Variants in RCOR1 observed in about 807,000 individuals in gnomAD.
RCOR1 encodes the protein REST corepressor.
A neutral mutation model predicts 64.0 loss-of-function variants in RCOR1; 12 were observed. The observed-to-expected ratio is 0.19, with a 90% confidence interval of 0.12 to 0.30. RCOR1 has a LOEUF of 0.30. RCOR1 is among the 10% of genes least tolerant of loss of function. The pLI is 1.00. For missense variants in RCOR1, 502 were observed against 621.2 expected (o/e 0.81, Z 2.04); for synonymous variants, 279 against 227.2 (o/e 1.23, Z -2.05).
chr14:102,604,697 AATTTT>A (rs1303867615), intron 2 of RCOR1, among the ~76,000 whole-genome samples: 5 of 152,178 alleles, frequency 3.3e-5, no homozygotes, highest in Non-Finnish European at 5.9e-5. Context: ...ATAGACTGTT[AATTTT>A]AAGTATTATA....
chr14:102,612,425 C>T (rs568127419), intron 2 of RCOR1, among the ~76,000 whole-genome samples: 3 of 151,996 alleles, frequency 2.0e-5, no homozygotes, highest in Admixed American at 1.3e-4. Context: ...TCTTGAACTC[C>T]TGCTCTTAAG....
intron 2 of RCOR1, among the ~76,000 whole-genome samples, chr14:102,656,388 T>C (rs1894724618): frequency 6.6e-6 from 1 of 152,038 alleles, no homozygotes; most frequent in Non-Finnish European, 1.5e-5. Context: ...ATCCGCCTGC[T>C]CAGCCTCCCT....
rs551933623 is a variant in RCOR1, at chr14:102,655,542, C to T, written c.362-26353C>T. ...TATCTATTAATAGTTCAGAAAGTTGCGAAGATTACAAGCTCATATTTGTGA... is the reference window on the plus strand; with the variant it reads ...TATCTATTAATAGTTCAGAAAGTTGTGAAGATTACAAGCTCATATTTGTGA... On this transcript the variant is annotated intron_variant, in intron 2 of 11. Transcript: ENST00000262241. 196 of 947,926 alleles carry T rather than the reference C, an allele frequency of 2.1e-4. No individual in the cohort carries two copies. In the African/African-American group the frequency reaches 3.2e-3, roughly 16 times the overall value. 58.7% of individuals were successfully genotyped at this position (947,926 alleles called of 1,614,324 possible).
At chr14:102,647,867 C>T (rs1290488773) in intron 2 of RCOR1, among the ~76,000 whole-genome samples, 2 of 151,532 alleles carry the variant, frequency 1.3e-5, no homozygotes, top group Non-Finnish European at 2.9e-5. Flanking sequence ...TTAGTAGAGA[C>T]GGAGTTTTGC....
chr14:102,671,141 T>C (rs945750318), intron 2 of RCOR1, among the ~76,000 whole-genome samples: 1 of 152,206 alleles, frequency 6.6e-6, no homozygotes, highest in African/African-American at 2.4e-5. Flanking sequence ...TTGTTTTCGC[T>C]TCCCCTTCTG....
At chr14:102,604,782 C>G (rs371155759) in intron 2 of RCOR1, among the ~76,000 whole-genome samples, 1 of 152,048 alleles carries the variant, frequency 6.6e-6, no homozygotes, top group African/African-American at 2.4e-5. Flanking sequence ...CCAGAATCCT[C>G]TTTAAGAGAA....
At position 102,592,955 on chromosome 14, in the gene RCOR1, C is replaced by A; in HGVS notation, c.69C>A (p.Ala23=). The change falls in exon 1 of 12, where the codon GCC becomes GCA. Residue 23 remains alanine (A), a synonymous_variant. Coordinates refer to ENST00000262241, the MANE Select transcript of RCOR1 (RefSeq NM_015156.4). Reference sequence around the variant, plus strand: ...GGAGAGGGAGGAACAACGCGGCCGCCTCCGCCTCCGCCGCCGCCGCCTCCG... The same window carrying A: ...GGAGAGGGAGGAACAACGCGGCCGCATCCGCCTCCGCCGCCGCCGCCTCCG... ...GKRRGRNNAA[A]SASAAAASAA... 1.7e-6 allele frequency: 2 copies of A among 1,179,152 alleles called. No individual in the cohort carries two copies. Among genetic ancestry groups the A allele is most frequent in the South Asian group, 5.6e-5 (2 of 35,940 alleles). The allele number at this position is 1,179,152 out of a possible 1,614,324, so 73.0% of individuals were successfully genotyped here. A position where few individuals can be genotyped will look rare whatever the true frequency, so the allele number is the denominator to read the frequency against.
chr14:102,613,052 T>C (rs1893665423), intron 2 of RCOR1, among the ~76,000 whole-genome samples: 1 of 151,498 alleles, frequency 6.6e-6, no homozygotes, highest in Non-Finnish European at 1.5e-5. Flanking sequence ...TTTTTGGTTG[T>C]TGTTGTTGTT....
intron 2 of RCOR1, among the ~76,000 whole-genome samples, chr14:102,629,841 C>G (rs981584779): frequency 3.3e-5 from 5 of 152,154 alleles, no homozygotes; most frequent in African/African-American, 9.7e-5. Context: ...ATGTCATCAT[C>G]CCCTTTGTAC....
chr14:102,656,195 A>G, intron 2 of RCOR1: 1 of 778,418 alleles, frequency 1.3e-6, no homozygotes, highest in Non-Finnish European at 1.6e-6. Context: ...ACTGGAGTGC[A>G]GTGGTGTGAT....
intron 2 of RCOR1, among the ~76,000 whole-genome samples, chr14:102,605,537 C>G (rs1239582835): frequency 6.6e-6 from 1 of 152,152 alleles, no homozygotes; most frequent in African/African-American, 2.4e-5. Context: ...TGTAGCATTA[C>G]TTAGGTGTTT....
At chr14:102,612,535 C>T (rs1409953695) in intron 2 of RCOR1, among the ~76,000 whole-genome samples, 1 of 151,854 alleles carries the variant, frequency 6.6e-6, no homozygotes, top group East Asian at 1.9e-4. Flanking sequence ...GGGGTTTCCC[C>T]ATGTTACCCA....
chr14:102,705,682 G>A (rs1357866123), intron 4 of RCOR1, among the ~76,000 whole-genome samples: 1 of 152,138 alleles, frequency 6.6e-6, no homozygotes, highest in Non-Finnish European at 1.5e-5. Context: ...TGGTCTCCAT[G>A]TTCTGAGCTC....
intron 2 of RCOR1, among the ~76,000 whole-genome samples, chr14:102,652,956 T>A (rs886833045): frequency 5.3e-5 from 8 of 152,184 alleles, no homozygotes; most frequent in Non-Finnish European, 1.2e-4. Context: ...TTTTTTGAGA[T>A]GGAGTTTCGC....
chr14:102,655,988 C>T (rs1206715731), intron 2 of RCOR1: 1 of 964,550 alleles, frequency 1.0e-6, no homozygotes, highest in South Asian at 4.8e-5. Flanking sequence ...CACACACACA[C>T]GTGAAATAAA....
chr14:102,653,995 T>TG (rs1567423523), intron 2 of RCOR1, among the ~76,000 whole-genome samples: 14 of 119,098 alleles, frequency 1.2e-4, no homozygotes, highest in African/African-American at 5.2e-4. Flanking sequence ...TTTTTTTTTT[T>TG]TTTTTTTTGA....
chr14:102,636,339 G>A (rs1403404222), intron 2 of RCOR1, among the ~76,000 whole-genome samples: 4 of 151,528 alleles, frequency 2.6e-5, no homozygotes, highest in South Asian at 4.2e-4. Flanking sequence ...GTGCAGTGGC[G>A]TGATCTTGGC....
chr14:102,697,584 T>C (rs1403845493), intron 3 of RCOR1, among the ~76,000 whole-genome samples: 2 of 152,200 alleles, frequency 1.3e-5, no homozygotes, highest in Non-Finnish European at 2.9e-5. Flanking sequence ...GTTAGAGGGC[T>C]CCTGGTACAT....
intron 8 of RCOR1, among the ~76,000 whole-genome samples, chr14:102,716,927 T>C (rs979404309): frequency 1.4e-4 from 21 of 152,326 alleles, no homozygotes; most frequent in Middle Eastern, 6.8e-3. Flanking sequence ...ATTAACATCT[T>C]TATTGAGTTT....
Sources: gnomAD v4.1 joint callset for allele counts (sites outside exome capture counted in the v4.1 genomes callset) on GRCh38, gnomAD v4.1.1 for gene constraint, MANE v1.5 for transcripts, NCBI Gene and HGNC (gene_info 2026-07-23, HGNC 2026-07-21) for gene names.